CEMIP2: variants seen among roughly 807,000 people sequenced by gnomAD.
CEMIP2 encodes cell migration inducing hyaluronidase 2, also known as cell surface hyaluronidase CEMIP2.
CEMIP2 carries 79 observed loss-of-function variants against 146.9 expected under a neutral mutation model. The observed-to-expected ratio is 0.54, with a 90% confidence interval of 0.45 to 0.65. The LOEUF is 0.65. Among genes scored for constraint, CEMIP2 ranks in the 30% least tolerant of loss-of-function variants. The probability of loss-of-function intolerance (pLI) is 0.00; values close to 1 mark genes in which losing one functional copy is unlikely to be tolerated. For synonymous variants in CEMIP2, 601 were observed against 606.3 expected, an observed-to-expected ratio of 0.99 and a Z score of 0.13; for missense variants, 1,596 against 1,696.2, an observed-to-expected ratio of 0.94 and a Z score of 1.04.
intron 18 of CEMIP2, among the ~76,000 whole-genome samples, chr9:71,703,625 TG>T (rs1822639725): frequency 6.6e-6 from 1 of 152,230 alleles, no homozygotes; most frequent in African/African-American, 2.4e-5. Context: ...TGGAGTCGCA[TG>T]GGTTAATAGC....
intron 5 of CEMIP2, among the ~76,000 whole-genome samples, chr9:71,738,785 C>T (rs1823832839): frequency 1.4e-5 from 2 of 146,854 alleles, no homozygotes; most frequent in South Asian, 4.4e-4. Context: ...TGCAATGAGC[C>T]AAGATCAGGC....
intron 21 of CEMIP2, among the ~76,000 whole-genome samples, chr9:71,690,685 T>C (rs1426106468): frequency 2.6e-5 from 4 of 152,244 alleles, no homozygotes; most frequent in African/African-American, 9.6e-5. Context: ...TAAATATGTA[T>C]CATGCCTTGA....
chr9:71,716,635 T>C (rs1201318386), intron 13 of CEMIP2, 83 bp from the exon 14 acceptor site: 6 of 1,243,438 alleles, frequency 4.8e-6, no homozygotes, highest in Non-Finnish European at 6.8e-6. Context: ...TTAATTATCA[T>C]GAAATCCAAA....
At chr9:71,698,338 G>C (rs1822460480) in intron 19 of CEMIP2, 134 bp from the exon 20 acceptor site, 7 of 721,176 alleles carry the variant, frequency 9.7e-6, no homozygotes, top group Non-Finnish European at 1.6e-5. Context: ...ATTACAAAAT[G>C]AATAGTTATT....
At chr9:71,752,868 T>C (rs913045984) in intron 1 of CEMIP2, among the ~76,000 whole-genome samples, 1 of 152,108 alleles carries the variant, frequency 6.6e-6, no homozygotes, top group African/African-American at 2.4e-5. Context: ...TGATTTTACA[T>C]GGGGCAAAGA....
chr9:71,717,011 A>C (rs916387287), intron 13 of CEMIP2, among the ~76,000 whole-genome samples: 1 of 152,128 alleles, frequency 6.6e-6, no homozygotes, highest in Non-Finnish European at 1.5e-5. Flanking sequence ...GTCTCCACAA[A>C]AAATTTAAAA....
At position 71,704,389 on chromosome 9, in the gene CEMIP2, G is replaced by GAA. The variant is rs59060767; in HGVS notation, c.3194+204_3194+205dup. 9.6e-4 allele frequency: 558 copies of GAA among 583,350 alleles called. 3 individuals carry two copies. In the African/African-American group the frequency reaches 9.9e-3, roughly 10 times the overall value. 36.1% of individuals were successfully genotyped at this position (583,350 alleles called of 1,614,324 possible). On this transcript the variant is annotated intron_variant, in intron 18 of 23. Coordinates refer to ENST00000377044, the MANE Select transcript of CEMIP2 (RefSeq NM_013390.3). Reference sequence around the variant, plus strand: ...ATGTGCATAATAACTTGACCACAGAGAAAAAAAAAGCTTTTGAAATGACAG... The same window carrying GAA: ...ATGTGCATAATAACTTGACCACAGAGAAAAAAAAAAAGCTTTTGAAATGACAG...
At chr9:71,692,297 ATTTTTTTTT>A (rs10683724) in intron 21 of CEMIP2, among the ~76,000 whole-genome samples, 4 of 78,900 alleles carry the variant, frequency 5.1e-5, no homozygotes, top group African/African-American at 9.9e-5. Flanking sequence ...CCTGCCTGAT[ATTTTTTTTT>A]TTTTTTTTTT....
At chr9:71,755,933 C>T (rs1280497519) in intron 1 of CEMIP2, among the ~76,000 whole-genome samples, 1 of 123,552 alleles carries the variant, frequency 8.1e-6, no homozygotes, top group African/African-American at 3.3e-5. Context: ...GTACTCCAAC[C>T]TGGGTGACAG....
chr9:71,748,981 G>A (rs1188593292), intron 2 of CEMIP2, among the ~76,000 whole-genome samples: 1 of 152,142 alleles, frequency 6.6e-6, no homozygotes, highest in Non-Finnish European at 1.5e-5. Context: ...ACCCAGTCCA[G>A]GCTGTTAGAG....
At chr9:71,717,274 A>C (rs1176397539) in intron 13 of CEMIP2, among the ~76,000 whole-genome samples, 1 of 152,180 alleles carries the variant, frequency 6.6e-6, no homozygotes, top group Non-Finnish European at 1.5e-5. Flanking sequence ...TGTTTTAAAA[A>C]CAACTAGACT....
intron 12 of CEMIP2, 43 bp from the exon 13 acceptor site, chr9:71,718,122 C>T: frequency 6.5e-7 from 1 of 1,548,610 alleles, no homozygotes; most frequent in Non-Finnish European, 8.7e-7. Context: ...AACATAAAAG[C>T]CATAGGAATT....
chr9:71,700,771 A>T lies in CEMIP2; in HGVS notation c.3248T>A (p.Val1083Asp). 1.2e-6 allele frequency: 2 copies of T among 1,613,992 alleles called. No individual in the cohort carries two copies. Reference protein sequence around the residue: ...LCYPSNTSFQVTFGYLQRQNG... With the variant: ...LCYPSNTSFQDTFGYLQRQNG... ...CTGCCGCTGCAAATAGCCAAAGGTAACTTGAAAACTTGTGTTTGATGGATA... is the reference window on the plus strand; with the variant it reads ...CTGCCGCTGCAAATAGCCAAAGGTATCTTGAAAACTTGTGTTTGATGGATA... Residue 1083 changes from valine to aspartate, a missense_variant, in exon 19 of 24, where the codon GTT (valine) becomes GAT (aspartate). Coordinates refer to ENST00000377044, the MANE Select transcript of CEMIP2 (RefSeq NM_013390.3).
chr9:71,750,428 C>G, intron 1 of CEMIP2, 43 bp from the exon 2 acceptor site: 1 of 1,334,700 alleles, frequency 7.5e-7, no homozygotes, highest in Non-Finnish European at 1.0e-6. Context: ...TGTGTAAATT[C>G]TTTTTTAATT....
At chr9:71,688,873 C>T (rs2131849285) in intron 22 of CEMIP2, among the ~76,000 whole-genome samples, 1 of 152,336 alleles carries the variant, frequency 6.6e-6, no homozygotes, top group Non-Finnish European at 1.5e-5. Flanking sequence ...CTGCCAGTTG[C>T]TCCATACCTT....
chr9:71,699,709 G>T (rs1444402953), intron 19 of CEMIP2, among the ~76,000 whole-genome samples: 2 of 151,960 alleles, frequency 1.3e-5, no homozygotes, highest in African/African-American at 4.8e-5. Flanking sequence ...GTTCTACCAT[G>T]CCCCCATGCA....
intron 11 of CEMIP2, among the ~76,000 whole-genome samples, chr9:71,723,943 C>A (rs891199648): frequency 2.1e-4 from 32 of 152,078 alleles, no homozygotes; most frequent in African/African-American, 7.7e-4. Flanking sequence ...CCTAATCATC[C>A]ACTCATGTCA....
At chr9:71,751,452 T>C (rs1309171884) in intron 1 of CEMIP2, among the ~76,000 whole-genome samples, 1 of 152,168 alleles carries the variant, frequency 6.6e-6, no homozygotes, top group Non-Finnish European at 1.5e-5. Flanking sequence ...TCAATCAGGA[T>C]TGCTGTCCCT....
intron 5 of CEMIP2, among the ~76,000 whole-genome samples, chr9:71,739,064 A>G (rs1249286201): frequency 2.0e-5 from 3 of 152,200 alleles, no homozygotes; most frequent in African/African-American, 7.2e-5. Context: ...ATTCCTGAAG[A>G]AAATTTTCTA....
Sources: gnomAD v4.1 joint callset for allele counts (sites outside exome capture counted in the v4.1 genomes callset) on GRCh38, gnomAD v4.1.1 for gene constraint, MANE v1.5 for transcripts, NCBI Gene and HGNC (gene_info 2026-07-23, HGNC 2026-07-21) for gene names.